The following SCAPER variants were observed in gnomAD, a reference collection of about 807,000 sequenced individuals.
SCAPER encodes the protein S-phase cyclin A associated protein in the ER.
A neutral mutation model predicts 182.2 loss-of-function variants in SCAPER; 98 were observed. The ratio of observed to expected loss-of-function variants is 0.54; its 90% CI spans 0.46 to 0.64. The LOEUF (loss-of-function observed/expected upper bound fraction) is 0.64. Ranked by LOEUF, SCAPER falls within the 30% of genes least tolerant of loss-of-function variation. SCAPER has a pLI of 0.00. For synonymous variants in SCAPER, 605 were observed against 564.6 expected (o/e 1.07, Z -1.01); for missense variants, 1,432 against 1,690.0 (o/e 0.85, Z 2.68).
chr15:76,674,949 G>GC (rs1443685073), intron 20 of SCAPER, among the ~76,000 whole-genome samples: 5 of 152,244 alleles, frequency 3.3e-5, no homozygotes, highest in African/African-American at 1.2e-4. Context: ...TTTATAAGAA[G>GC]CATGTGTTAC....
intron 17 of SCAPER, among the ~76,000 whole-genome samples, chr15:76,719,808 A>G (rs894173478): frequency 6.6e-6 from 1 of 152,174 alleles, no homozygotes; most frequent in African/African-American, 2.4e-5. Flanking sequence ...TCCCAACTAT[A>G]TATTGGTAGA....
intron 5 of SCAPER, among the ~76,000 whole-genome samples, chr15:76,829,945 C>T (rs984363035): frequency 2.0e-5 from 3 of 152,092 alleles, no homozygotes; most frequent in African/African-American, 4.8e-5. Context: ...TCATTTCAAC[C>T]GTGATATATA....
At chr15:76,625,980 G>A (rs77678637) in intron 21 of SCAPER, among the ~76,000 whole-genome samples, 2,365 of 152,208 alleles carry the variant, frequency 0.016, 63 homozygotes, top group African/African-American at 0.055. Flanking sequence ...TAACAGTAAC[G>A]AGAGCTGATG....
intron 23 of SCAPER, among the ~76,000 whole-genome samples, chr15:76,552,004 A>C (rs2045812969): frequency 6.6e-6 from 1 of 151,960 alleles, no homozygotes; most frequent in African/African-American, 2.4e-5. Flanking sequence ...AGGAGAGGGA[A>C]GCTGGGCATG....
intron 17 of SCAPER, among the ~76,000 whole-genome samples, chr15:76,715,946 C>G (rs769636598): frequency 6.6e-6 from 1 of 152,114 alleles, no homozygotes; most frequent in Non-Finnish European, 1.5e-5. Flanking sequence ...AGTAGTTTCA[C>G]AAGACCCTAA....
chr15:76,659,851 GA>G (rs1184598270), intron 21 of SCAPER, among the ~76,000 whole-genome samples: 1 of 152,080 alleles, frequency 6.6e-6, no homozygotes, highest in Non-Finnish European at 1.5e-5. Flanking sequence ...ATTTCTCAAA[GA>G]ACACAGAACA....
intron 22 of SCAPER, among the ~76,000 whole-genome samples, chr15:76,580,763 G>C (rs2048212333): frequency 1.3e-5 from 2 of 151,944 alleles, no homozygotes; most frequent in Admixed American, 6.6e-5. Context: ...AACGAGAAAA[G>C]CAAGAGCAAT....
In SCAPER at chr15:76,781,368, T is replaced by G. The variant is rs140963660; in HGVS notation, c.773-6251A>C. 8.1e-3 allele frequency among the ~76,000 whole-genome samples: 1,235 copies of G among 152,212 alleles called. 13 individuals carry two copies. Among genetic ancestry groups the G allele is most frequent in the African/African-American group, 0.028 (1,171 of 41,522 alleles). On this transcript the variant is annotated intron_variant, in intron 8 of 31. Transcript: ENST00000563290. Reference sequence around the variant, plus strand: ...AGAGTAAAAAGAAACGAACAAAGCCTCCAAGAAATATGGGACTATGTGAAA... The same window carrying G: ...AGAGTAAAAAGAAACGAACAAAGCCGCCAAGAAATATGGGACTATGTGAAA...
chr15:76,456,630 A>G (rs977387933), intron 25 of SCAPER, among the ~76,000 whole-genome samples: 1 of 152,344 alleles, frequency 6.6e-6, no homozygotes, highest in East Asian at 1.9e-4. Flanking sequence ...GGTATTGTTC[A>G]TATCATGTAT....
intron 24 of SCAPER, among the ~76,000 whole-genome samples, chr15:76,499,762 G>C (rs1398393644): frequency 6.6e-6 from 1 of 152,172 alleles, no homozygotes; most frequent in Non-Finnish European, 1.5e-5. Context: ...CTGACACAAA[G>C]TTAAGGAAAA....
chr15:76,686,015 G>C (rs534827126), intron 20 of SCAPER, among the ~76,000 whole-genome samples: 1 of 152,130 alleles, frequency 6.6e-6, no homozygotes, highest in Admixed American at 6.5e-5. Flanking sequence ...ACGTAAGATA[G>C]AGAAGATTTT....
chr15:76,724,381 G>A (rs189075596), intron 17 of SCAPER, among the ~76,000 whole-genome samples: 5 of 152,094 alleles, frequency 3.3e-5, no homozygotes, highest in East Asian at 3.9e-4. Flanking sequence ...TTTCAACTTC[G>A]GTGAATCTGA....
chr15:76,796,057 T>C (rs2065302766), intron 7 of SCAPER, among the ~76,000 whole-genome samples: 1 of 152,226 alleles, frequency 6.6e-6, no homozygotes, highest in East Asian at 1.9e-4. Flanking sequence ...TGAGACTCCA[T>C]CTCAATTTAA....
At chr15:76,541,794 CCCTTTT>C (rs1337914221) in intron 23 of SCAPER, among the ~76,000 whole-genome samples, 2 of 152,112 alleles carry the variant, frequency 1.3e-5, no homozygotes, top group Admixed American at 1.3e-4. Context: ...CTTCCCATGG[CCCTTTT>C]CCTATTACAG....
At chr15:76,363,706 T>A (rs546921911) in intron 29 of SCAPER, among the ~76,000 whole-genome samples, 21 of 152,354 alleles carry the variant, frequency 1.4e-4, no homozygotes, top group African/African-American at 4.8e-4. Flanking sequence ...TCTAGACATC[T>A]AAATTCATTA....
At chr15:76,748,077 G>A (rs753832378) in intron 15 of SCAPER, among the ~76,000 whole-genome samples, 7 of 148,612 alleles carry the variant, frequency 4.7e-5, no homozygotes, top group African/African-American at 9.9e-5. Flanking sequence ...AGCAACCTCC[G>A]CCTCCCGGGT....
chr15:76,386,950 A>C (rs2043331708), intron 27 of SCAPER, among the ~76,000 whole-genome samples: 1 of 152,248 alleles, frequency 6.6e-6, no homozygotes, highest in Non-Finnish European at 1.5e-5. Context: ...CACTACAGCT[A>C]CTGGGTTGAA....
At chr15:76,795,820 G>A (rs2065284480) in intron 7 of SCAPER, among the ~76,000 whole-genome samples, 1 of 152,182 alleles carries the variant, frequency 6.6e-6, no homozygotes, top group Admixed American at 6.5e-5. Context: ...CCAGCACCCT[G>A]GGAAGCCAAG....
intron 21 of SCAPER, among the ~76,000 whole-genome samples, chr15:76,649,805 G>T (rs898946618): frequency 2.6e-5 from 4 of 151,684 alleles, no homozygotes; most frequent in African/African-American, 7.3e-5. Flanking sequence ...TTAAATAGAC[G>T]TTTTCAGGCA....
Sources: allele counts gnomAD v4.1 joint callset (sites outside exome capture counted in the v4.1 genomes callset), GRCh38; gene constraint gnomAD v4.1.1; transcripts MANE v1.5; gene names NCBI Gene and HGNC (gene_info 2026-07-23, HGNC 2026-07-21).